The following NPAS3 variants were observed in gnomAD, a reference collection of about 807,000 sequenced individuals.
NPAS3 encodes neuronal PAS domain-containing protein 3.
A neutral mutation model predicts 73.1 loss-of-function variants in NPAS3; 14 were observed. That is an observed-to-expected ratio of 0.19 (90% CI 0.13 to 0.30). The LOEUF (loss-of-function observed/expected upper bound fraction) is 0.30. Ranked by LOEUF, NPAS3 falls within the 10% of genes least tolerant of loss-of-function variation. The probability of loss-of-function intolerance (pLI) is 1.00; values close to 1 mark genes in which losing one functional copy is unlikely to be tolerated. For synonymous variants in NPAS3, 620 were observed against 541.5 expected (o/e 1.14, Z -2.01); for missense variants, 1,096 against 1,250.0 (o/e 0.88, Z 1.86).
chr14:33,041,234 A>G (rs907187714), intron 1 of NPAS3, among the ~76,000 whole-genome samples: 2 of 152,192 alleles, frequency 1.3e-5, no homozygotes, highest in Non-Finnish European at 2.9e-5. Context: ...TCTAATGAAA[A>G]TAAGGTGCTA....
intron 4 of NPAS3, among the ~76,000 whole-genome samples, chr14:33,432,696 T>C (rs1240996858): frequency 6.6e-6 from 1 of 152,156 alleles, no homozygotes; most frequent in African/African-American, 2.4e-5. Context: ...CCATTTATGA[T>C]TGAAACTCTA....
chr14:33,578,703 G>T lies in NPAS3; in HGVS notation c.558+18493G>T, dbSNP rs79691635. ...GGGGTTTTCCAATGGGTCAGTCAAT[G>T]CTGAAGTCTGTTTCAGTCTTCCACT... On this transcript the variant is annotated intron_variant, in intron 5 of 11. Transcript: ENST00000356141. Among the ~76,000 whole-genome samples, 1,040 of 152,272 alleles carry T rather than the reference G, an allele frequency of 6.8e-3. 53 individuals are homozygous for T. The East Asian group carries it at 0.15, about 23-fold the overall frequency.
intron 3 of NPAS3, among the ~76,000 whole-genome samples, chr14:33,363,106 G>T (rs1341008990): frequency 6.6e-6 from 1 of 152,084 alleles, no homozygotes; most frequent in Admixed American, 6.5e-5. Context: ...TTTGTAATGG[G>T]TTCTTCCATG....
At chr14:33,792,911 C>A (rs1416648543) in intron 9 of NPAS3, among the ~76,000 whole-genome samples, 1 of 152,216 alleles carries the variant, frequency 6.6e-6, no homozygotes, top group Non-Finnish European at 1.5e-5. Context: ...CGAGTTGCTG[C>A]GATCCGCAGC....
chr14:33,568,191 T>C (rs576365436), intron 5 of NPAS3, among the ~76,000 whole-genome samples: 1 of 152,192 alleles, frequency 6.6e-6, no homozygotes, highest in Non-Finnish European at 1.5e-5. Flanking sequence ...TCAGATTCAT[T>C]TTGAAGTAGA....
At chr14:33,499,390 G>T (rs936480393) in intron 4 of NPAS3, among the ~76,000 whole-genome samples, 3 of 151,760 alleles carry the variant, frequency 2.0e-5, no homozygotes, top group Non-Finnish European at 4.4e-5. Context: ...AAAACAAATA[G>T]AAAGAACGTA....
chr14:33,038,595 G>A (rs564459102), intron 1 of NPAS3, among the ~76,000 whole-genome samples: 182 of 152,176 alleles, frequency 1.2e-3, no homozygotes, highest in African/African-American at 4.1e-3. Context: ...TTAAAGGGAT[G>A]TCATTATTAT....
intron 4 of NPAS3, among the ~76,000 whole-genome samples, chr14:33,524,079 G>A (rs73267060): frequency 0.016 from 2,361 of 152,070 alleles, 63 homozygotes; most frequent in African/African-American, 0.054. Context: ...ATTTTTTTAG[G>A]TTATCTTTTC....
intron 6 of NPAS3, among the ~76,000 whole-genome samples, chr14:33,690,823 AT>A (rs1360332917): frequency 8.2e-5 from 12 of 146,064 alleles, no homozygotes; most frequent in African/African-American, 3.0e-4. Context: ...AAACTGGCAT[AT>A]TTTGGAGTTC....
chr14:33,622,673 T>A (rs2058109109), intron 5 of NPAS3, among the ~76,000 whole-genome samples: 1 of 152,184 alleles, frequency 6.6e-6, no homozygotes, highest in Admixed American at 6.5e-5. Context: ...TCAGGAAATG[T>A]ATTGAGACGC....
chr14:33,799,478 G>C (rs993652080), intron 11 of NPAS3, among the ~76,000 whole-genome samples: 1 of 152,218 alleles, frequency 6.6e-6, no homozygotes, highest in Non-Finnish European at 1.5e-5. Context: ...TGCATTTGCA[G>C]CGGGTGTCCA....
intron 6 of NPAS3, among the ~76,000 whole-genome samples, chr14:33,700,205 CTG>C (rs1406477581): frequency 3.3e-5 from 5 of 152,074 alleles, no homozygotes; most frequent in Non-Finnish European, 7.4e-5. Context: ...GTTATTGCGA[CTG>C]TGTTTTATAT....
chr14:33,196,194 A>G lies in NPAS3; in HGVS notation c.141-18988A>G, dbSNP rs916624253. On this transcript the variant is annotated intron_variant, in intron 2 of 11. Coordinates refer to ENST00000356141, the Ensembl canonical transcript of NPAS3. ...TTTTCCTTACATTGAATAGCCTCCT[A>G]TGTGTACCATCTGTACCTACCCAAT... Among the ~76,000 whole-genome samples, 7 of 152,278 alleles carry G rather than the reference A, an allele frequency of 4.6e-5. No homozygotes were observed. The East Asian group carries it at 1.2e-3, about 25-fold the overall frequency.
intron 1 of NPAS3, among the ~76,000 whole-genome samples, chr14:33,012,631 C>A (rs2039248046): frequency 6.6e-6 from 1 of 151,918 alleles, no homozygotes; most frequent in Admixed American, 6.6e-5. Flanking sequence ...TCACTGCAAC[C>A]TCCGCCTCCC....
intron 4 of NPAS3, among the ~76,000 whole-genome samples, chr14:33,507,844 G>T (rs180947066): frequency 6.6e-6 from 1 of 151,978 alleles, no homozygotes. Flanking sequence ...CTTGTTCATG[G>T]TACACACACA....
intron 2 of NPAS3, among the ~76,000 whole-genome samples, chr14:33,111,035 T>C (rs1190119241): frequency 1.3e-5 from 2 of 152,240 alleles, no homozygotes; most frequent in African/African-American, 4.8e-5. Flanking sequence ...AGAGCGACTT[T>C]GGCCAGTTTG....
intron 7 of NPAS3, among the ~76,000 whole-genome samples, chr14:33,746,171 T>TTTTATTTTATTTATTTA (rs1555326907): frequency 4.8e-5 from 7 of 144,360 alleles, no homozygotes; most frequent in Admixed American, 1.4e-4. Context: ...TTTTATTTTA[T>TTTTATTTTATTTATTTA]TTTATTTATT....
At chr14:33,278,289 G>A (rs565366195) in intron 3 of NPAS3, among the ~76,000 whole-genome samples, 4 of 152,158 alleles carry the variant, frequency 2.6e-5, no homozygotes, top group African/African-American at 9.6e-5. Context: ...GGCTGTGGAA[G>A]TATACATTTC....
intron 4 of NPAS3, among the ~76,000 whole-genome samples, chr14:33,520,229 G>C (rs2053496109): frequency 6.6e-6 from 1 of 152,116 alleles, no homozygotes; most frequent in Admixed American, 6.5e-5. Context: ...GTTTCTCCGG[G>C]TTATATAGTT....
Sources: gnomAD v4.1 joint callset for allele counts (sites outside exome capture counted in the v4.1 genomes callset) on GRCh38, gnomAD v4.1.1 for gene constraint, MANE v1.5 for transcripts, NCBI Gene and HGNC (gene_info 2026-07-23, HGNC 2026-07-21) for gene names.